Variants in MARK1 observed in about 807,000 individuals in gnomAD.
MARK1 encodes the protein microtubule affinity regulating kinase 1.
Under a neutral mutation model 96.3 loss-of-function variants are expected in MARK1, and 40 were observed. That is an observed-to-expected ratio of 0.42 (90% confidence interval 0.32 to 0.54). The LOEUF (loss-of-function observed/expected upper bound fraction) is 0.54. MARK1 is among the 20% of genes least tolerant of loss of function. The probability of loss-of-function intolerance (pLI) is 0.16; values close to 1 mark genes in which losing one functional copy is unlikely to be tolerated. For missense variants in MARK1, 719 were observed against 984.6 expected (o/e 0.73, Z 3.61); for synonymous variants, 317 against 341.2 (o/e 0.93, Z 0.78).
intron 9 of MARK1, chr1:220,625,900 C>T (rs1278234054): frequency 2.0e-6 from 1 of 505,116 alleles, no homozygotes; most frequent in Non-Finnish European, 4.0e-6. Flanking sequence ...AGAAATCTGT[C>T]ACCCTCACAA....
At position 220,579,504 on chromosome 1, in the gene MARK1, A is replaced by C; in HGVS notation, c.202A>C (p.Lys68Gln). 6.2e-7 allele frequency: 1 copy of C among 1,614,050 alleles called. No homozygotes were observed. The highest frequency in any genetic ancestry group is 8.5e-7 in the Non-Finnish European group (1 of 1,179,964). The change falls in exon 2 of 18, where the codon AAG becomes CAG. Residue 68 changes from lysine (K) to glutamine (Q), a missense_variant. Lys to Gln is a moderately conservative substitution (Grantham distance 53). Transcript: ENST00000366917. ...TTACCGTTTACAAAAAACAATAGGGAAGGGAAATTTTGCCAAAGTCAAATT... is the reference window on the plus strand; with the variant it reads ...TTACCGTTTACAAAAAACAATAGGGCAGGGAAATTTTGCCAAAGTCAAATT... Reference protein sequence around the residue: ...GNYRLQKTIGKGNFAKVKLAR... With the variant: ...GNYRLQKTIGQGNFAKVKLAR...
intron 9 of MARK1, among the ~76,000 whole-genome samples, chr1:220,622,841 C>T (rs1176638392): frequency 2.6e-5 from 4 of 152,234 alleles, no homozygotes; most frequent in South Asian, 2.1e-4. Flanking sequence ...GCCATGATTG[C>T]GCCACTGGAC....
intron 9 of MARK1, chr1:220,627,003 A>G (rs538069619): frequency 1.2e-4 from 65 of 535,134 alleles, no homozygotes; most frequent in Admixed American, 2.4e-4. Context: ...TACAGCGACT[A>G]CTTGGAATAG....
intron 1 of MARK1, among the ~76,000 whole-genome samples, chr1:220,539,778 T>G (rs1357302458): frequency 6.6e-6 from 1 of 152,096 alleles, no homozygotes; most frequent in Non-Finnish European, 1.5e-5. Context: ...TGCTAGGTTT[T>G]TTTTTTTCCT....
chr1:220,586,897 G>T (rs1312600077), intron 3 of MARK1, among the ~76,000 whole-genome samples: 1 of 152,032 alleles, frequency 6.6e-6, no homozygotes, highest in African/African-American at 2.4e-5. Context: ...TTTAATTTTT[G>T]GATGGGGACT....
chr1:220,580,666 A>G (rs529565986), intron 2 of MARK1, among the ~76,000 whole-genome samples: 2 of 152,288 alleles, frequency 1.3e-5, no homozygotes, highest in African/African-American at 2.4e-5. Flanking sequence ...GCTCTAAGTA[A>G]GCTTGGATAT....
chr1:220,575,295 T>C (rs1271380710), intron 1 of MARK1, among the ~76,000 whole-genome samples: 1 of 152,254 alleles, frequency 6.6e-6, no homozygotes, highest in East Asian at 1.9e-4. Context: ...ATGACAGGAT[T>C]GGAACTTGTG....
chr1:220,597,386 T>A (rs1002768901), intron 3 of MARK1, among the ~76,000 whole-genome samples: 1 of 152,194 alleles, frequency 6.6e-6, no homozygotes, highest in African/African-American at 2.4e-5. Flanking sequence ...CATTTGCTAT[T>A]TTCTGGGCAG....
chr1:220,610,484 A>G (rs1666378995), intron 6 of MARK1, among the ~76,000 whole-genome samples: 1 of 151,924 alleles, frequency 6.6e-6, no homozygotes, highest in African/African-American at 2.4e-5. Flanking sequence ...CTTCCTTGTG[A>G]TGGGTTCAAA....
At chr1:220,572,305 G>C (rs112196113) in intron 1 of MARK1, among the ~76,000 whole-genome samples, 17,533 of 152,072 alleles carry the variant, frequency 0.12, 1,233 homozygotes, top group South Asian at 0.17. Flanking sequence ...ACAATGGTGC[G>C]ATCTCTGCTC....
At position 220,601,438 on chromosome 1, in the gene MARK1, C is replaced by T. The variant is rs143498966; in HGVS notation, c.424+1575C>T. Among the ~76,000 whole-genome samples, 444 of 151,916 alleles carry T rather than the reference C, an allele frequency of 2.9e-3. 5 individuals carry two copies. Among genetic ancestry groups the T allele is most frequent in the Admixed American group, 5.8e-3 (88 of 15,246 alleles). On this transcript the variant is annotated intron_variant, in intron 5 of 17. Coordinates refer to ENST00000366917, the MANE Select transcript of MARK1 (RefSeq NM_018650.5). ...GTATTAAAACAGCCATGTAAATTTC[C>T]ATAAAATGTGGATCTATAATAAAAC...
intron 1 of MARK1, among the ~76,000 whole-genome samples, chr1:220,540,178 CTGGTCCATGTGATTA>C (rs1309132555): frequency 1.3e-5 from 2 of 152,030 alleles, no homozygotes; most frequent in African/African-American, 4.8e-5. Flanking sequence ...ATTATGGGAA[CTGGTCCATGTGATTA>C]TGGAGGCCAT....
chr1:220,575,356 C>G (rs1302983169), intron 1 of MARK1, among the ~76,000 whole-genome samples: 1 of 152,174 alleles, frequency 6.6e-6, no homozygotes, highest in Non-Finnish European at 1.5e-5. Flanking sequence ...TGTAATTGAG[C>G]TAACATAATT....
In MARK1 at chr1:220,612,502, A is replaced by G. The variant is rs373102513; in HGVS notation, c.496-3437A>G. 1.4e-4 allele frequency among the ~76,000 whole-genome samples: 22 copies of G among 152,310 alleles called. No homozygotes were observed. The East Asian group carries it at 4.2e-3, about 29-fold the overall frequency. ...TTTCTTTATAATGTATTTATTTACT[A>G]TAAATTTTAAATGTATTTAGTATCT... On this transcript the variant is annotated intron_variant, in intron 6 of 17. Transcript: ENST00000366917.
At chr1:220,569,851 C>T (rs1663318751) in intron 1 of MARK1, among the ~76,000 whole-genome samples, 1 of 151,976 alleles carries the variant, frequency 6.6e-6, no homozygotes, top group South Asian at 2.1e-4. Context: ...GTCAGTAAGC[C>T]ATGTTTCTGA....
At chr1:220,635,565 G>A (rs777292239) in intron 12 of MARK1, 36 bp downstream of exon 12, 12 of 1,589,466 alleles carry the variant, frequency 7.5e-6, no homozygotes, top group East Asian at 2.2e-5. Context: ...AGCAACACAC[G>A]GGTTCTTCCC....
rs1050679132 is a variant in MARK1, at chr1:220,664,373, C to T, written c.*2207C>T. 18 of 152,062 alleles carry T rather than the reference C, an allele frequency of 1.2e-4. No homozygotes were observed. The highest frequency in any genetic ancestry group is 8.5e-4 in the Admixed American group (13 of 15,286). 9.4% of individuals were successfully genotyped at this position (152,062 alleles called of 1,614,324 possible). ...TAAATAAATACCAGTTTATGTTCAC[C>T]GGCTATGTGATACCAGGATTTCCTT... On this transcript the variant is annotated 3_prime_UTR_variant, in exon 18 of 18. Transcript: ENST00000366917.
In MARK1 at chr1:220,653,132, T is replaced by C. The variant is rs777027919; in HGVS notation, c.1768T>C (p.Ser590Pro). Residue 590 changes from serine to proline, a missense_variant, in exon 16 of 18, where the codon TCT becomes CCT. By Grantham distance (74) the Ser-to-Pro change is moderately conservative (BLOSUM62 -1). This residue lies in a region of MARK1 where 501 missense variants were observed against 588.3 expected (regional missense o/e 0.85). Transcript: ENST00000366917. ...CCAGAGAGTGCCTGCTGCTTCCCCA[T>C]CTGCTCACAGTATTAGTACTGCGAC... is the stretch of plus-strand genomic sequence containing the variant. ...TTQRVPAASP[S>P]AHSISTATPD... 2.6e-5 allele frequency: 42 copies of C among 1,614,094 alleles called. 1 individual carries two copies. The South Asian group carries it at 4.4e-4, about 17-fold the overall frequency.
chr1:220,612,508 T>A (rs1666507471), intron 6 of MARK1, among the ~76,000 whole-genome samples: 1 of 152,156 alleles, frequency 6.6e-6, no homozygotes, highest in Non-Finnish European at 1.5e-5. Context: ...TACTATAAAT[T>A]TTAAATGTAT....
Sources: gnomAD v4.1 joint callset for allele counts (sites outside exome capture counted in the v4.1 genomes callset) on GRCh38, gnomAD v4.1.1 for gene constraint, gnomAD v4.1.1 regional missense constraint, MANE v1.5 for transcripts, NCBI Gene and HGNC (gene_info 2026-07-23, HGNC 2026-07-21) for gene names.